Variants in DKK2 observed in about 807,000 individuals in gnomAD.
DKK2 encodes the protein dickkopf-related protein 2.
DKK2 carries 11 observed loss-of-function variants against 28.1 expected under a neutral mutation model. That is an observed-to-expected ratio of 0.39 (90% CI 0.25 to 0.65). The LOEUF is 0.65. Ranked by LOEUF, DKK2 falls within the 30% of genes least tolerant of loss-of-function variation. The pLI is 0.47. For synonymous variants in DKK2, 135 were observed against 126.5 expected (o/e 1.07, Z -0.45); for missense variants, 326 against 335.5 (o/e 0.97, Z 0.22).
Position 107,035,535 on chromosome 4 carries a change from C to A in DKK2, c.57G>T (p.Ala19=), listed in dbSNP as rs750173104. The change falls in exon 1 of 4, where the codon GCG becomes GCT. Residue 19 remains alanine (A), a synonymous_variant. Transcript: ENST00000285311. ...DSSCCLLLLA[A]VLMVESSQIG... is the part of the protein sequence containing the mutation. ...TCTGTGAGCTCTCCACCATCAGCAC[C>A]GCGGCCAGTAGGAGCAGGCAGCAGG... 1.2e-6 allele frequency: 2 copies of A among 1,614,204 alleles called. No individual in the cohort carries two copies. Among genetic ancestry groups the A allele is most frequent in the Admixed American group, 1.7e-5 (1 of 60,026 alleles).
Position 107,035,653 on chromosome 4 carries a change from G to A in DKK2, c.-62C>T. On this transcript the variant is annotated 5_prime_UTR_variant, in exon 1 of 4. Transcript: ENST00000285311. The stretch of plus-strand genomic sequence containing the variant: ...CGGAGGGGTGGGAATGCAAAGGGAG[G>A]GAGGACCCCAACACGGGGCCCCTCA... 2 of 1,581,656 alleles carry A rather than the reference G, an allele frequency of 1.3e-6. No individual in the cohort carries two copies. The highest frequency in any genetic ancestry group is 1.7e-6 in the Non-Finnish European group (2 of 1,160,570).
chr4:106,972,074 A>C (rs1313493305), intron 1 of DKK2, among the ~76,000 whole-genome samples: 1 of 152,110 alleles, frequency 6.6e-6, no homozygotes, highest in Non-Finnish European at 1.5e-5. Flanking sequence ...TAATGCTGTA[A>C]TAAATCTTTT....
Position 106,925,853 on chromosome 4 carries a change from T to C in DKK2, c.319A>G (p.Lys107Glu), listed in dbSNP as rs754310839. ...ATGCCATCTCGGTGGCAGCGCTTCT[T>C]TTTTCTCCGACACACCATGCAGGCC... ...SSACMVCRRKKKRCHRDGMCC... is the reference protein window; with the variant it reads ...SSACMVCRRKEKRCHRDGMCC... The change falls in exon 2 of 4, where the codon AAG becomes GAG. Residue 107 changes from lysine to glutamate, a missense_variant. Coordinates refer to ENST00000285311, the MANE Select transcript of DKK2 (RefSeq NM_014421.3). 5 of 1,607,048 alleles carry C rather than the reference T, an allele frequency of 3.1e-6. No individual in the cohort carries two copies. Among genetic ancestry groups the C allele is most frequent in the Non-Finnish European group, 3.4e-6 (4 of 1,176,940 alleles).
chr4:106,992,386 A>G (rs1295219196), intron 1 of DKK2, among the ~76,000 whole-genome samples: 1 of 152,158 alleles, frequency 6.6e-6, no homozygotes, highest in African/African-American at 2.4e-5. Context: ...GGTCTCTGGA[A>G]TAGGAACACT....
At chr4:106,925,041 C>T (rs1724406038) in intron 2 of DKK2, among the ~76,000 whole-genome samples, 1 of 152,136 alleles carries the variant, frequency 6.6e-6, no homozygotes, top group Admixed American at 6.5e-5. Context: ...GACATACATC[C>T]TCTGGATCCA....
chr4:106,995,183 G>C (rs540204937), intron 1 of DKK2, among the ~76,000 whole-genome samples: 2 of 152,018 alleles, frequency 1.3e-5, no homozygotes, highest in East Asian at 1.9e-4. Context: ...CAACTTCTTT[G>C]AGAATTAATG....
rs1724390722 is a variant in DKK2, at chr4:106,924,140, A to G, written c.594T>C (p.His198=). The change falls in exon 4 of 4, where the codon CAT becomes CAC. Residue 198 remains histidine, a synonymous_variant. Transcript: ENST00000285311. ...CTGGTTTGCAGATTTTGGTCCAGAA[A>G]TGACGAGCACAGCAAAACCCTTCAA... is the stretch of plus-strand genomic sequence containing the variant. The part of the protein sequence containing the change: ...DCIEGFCCAR[H]FWTKICKPVL... 6.2e-7 allele frequency: 1 copy of G among 1,613,936 alleles called. No individual in the cohort carries two copies. The highest frequency in any genetic ancestry group is 2.2e-5 in the East Asian group (1 of 44,882).
chr4:107,035,271 C>T, intron 1 of DKK2, 99 bp downstream of exon 1: 1 of 1,385,852 alleles, frequency 7.2e-7, no homozygotes, highest in Non-Finnish European at 1.0e-6. Context: ...TATCTGGGGC[C>T]ACGCTCCGAA....
intron 1 of DKK2, among the ~76,000 whole-genome samples, chr4:106,939,217 T>C (rs1724651146): frequency 6.6e-6 from 1 of 152,090 alleles, no homozygotes; most frequent in African/African-American, 2.4e-5. Context: ...AAAACCCCAT[T>C]ATCTCAGCCC....
chr4:106,930,259 G>A (rs1175569333), intron 1 of DKK2, among the ~76,000 whole-genome samples: 1 of 152,160 alleles, frequency 6.6e-6, no homozygotes, highest in African/African-American at 2.4e-5. Context: ...AAAATAAAAT[G>A]TAGTCACTCA....
At chr4:106,998,647 C>T (rs930408091) in intron 1 of DKK2, among the ~76,000 whole-genome samples, 2 of 152,030 alleles carry the variant, frequency 1.3e-5, no homozygotes, top group Admixed American at 1.3e-4. Flanking sequence ...AAAATATACA[C>T]CTAATAAATT....
At chr4:107,024,383 C>T (rs1723740854) in intron 1 of DKK2, among the ~76,000 whole-genome samples, 1 of 151,998 alleles carries the variant, frequency 6.6e-6, no homozygotes, top group African/African-American at 2.4e-5. Flanking sequence ...AAGTTCTTAT[C>T]AGAAATATGA....
At chr4:107,025,922 A>G (rs187613718) in intron 1 of DKK2, among the ~76,000 whole-genome samples, 2 of 152,360 alleles carry the variant, frequency 1.3e-5, no homozygotes, top group East Asian at 3.9e-4. Context: ...TTCTTATTCA[A>G]GATTTAACAG....
intron 1 of DKK2, among the ~76,000 whole-genome samples, chr4:106,949,652 C>T (rs1196075201): frequency 6.6e-6 from 1 of 152,094 alleles, no homozygotes; most frequent in African/African-American, 2.4e-5. Context: ...TTGTGGGCTT[C>T]TGTTTTCTTA....
intron 1 of DKK2, among the ~76,000 whole-genome samples, chr4:107,012,323 T>A (rs1723528792): frequency 6.6e-6 from 1 of 151,376 alleles, no homozygotes; most frequent in Non-Finnish European, 1.5e-5. Context: ...CAGTTTTTTG[T>A]AAGTATGATT....
intron 1 of DKK2, among the ~76,000 whole-genome samples, chr4:106,959,496 C>T (rs1722654904): frequency 6.6e-6 from 1 of 151,736 alleles, no homozygotes; most frequent in African/African-American, 2.4e-5. Context: ...TTCTTCATGC[C>T]TATTTTTTCA....
intron 1 of DKK2, among the ~76,000 whole-genome samples, chr4:106,980,127 T>C (rs755940735): frequency 1.3e-5 from 2 of 152,180 alleles, no homozygotes; most frequent in Non-Finnish European, 2.9e-5. Context: ...AATTGCTATA[T>C]AGCTAGACAT....
rs1266178615 is a variant in DKK2 at position 106,922,332 on chromosome 4, T to A, written c.*1622A>T. The A allele has an allele frequency of 6.6e-6, 1 of 152,180 alleles. No homozygotes were observed. The highest frequency in any genetic ancestry group is 2.4e-5 in the African/African-American group (1 of 41,446). The allele number at this position is 152,180 out of a possible 1,614,324, so 9.4% of individuals were successfully genotyped here. ...AATTGTGGTCTACAAAAGTTTAAAG[T>A]CACGACTATAAGATAACCTTTTATT... On this transcript the variant is annotated 3_prime_UTR_variant, in exon 4 of 4. Transcript: ENST00000285311.
At chr4:107,020,084 G>A (rs1365782888) in intron 1 of DKK2, among the ~76,000 whole-genome samples, 2 of 151,858 alleles carry the variant, frequency 1.3e-5, no homozygotes, top group African/African-American at 4.8e-5. Flanking sequence ...TATATTTTTA[G>A]GTCTTAATTT....
Sources: gnomAD v4.1 joint callset for allele counts (sites outside exome capture counted in the v4.1 genomes callset) on GRCh38, gnomAD v4.1.1 for gene constraint, MANE v1.5 for transcripts, NCBI Gene and HGNC (gene_info 2026-07-23, HGNC 2026-07-21) for gene names.